UBAP2: variants seen among roughly 807,000 people sequenced by gnomAD.
UBAP2 encodes ubiquitin-associated protein 2.
In UBAP2, 75 loss-of-function variants were observed where a neutral mutation model predicts 139.6. The ratio of observed to expected loss-of-function variants is 0.54; its 90% confidence interval spans 0.45 to 0.65. The LOEUF is 0.65. Among genes scored for constraint, UBAP2 ranks in the 30% least tolerant of loss-of-function variants. The pLI is 0.00. For synonymous variants in UBAP2, 526 were observed against 526.2 expected (o/e 1.00, Z 0.01); for missense variants, 1,368 against 1,369.6 (o/e 1.00, Z 0.02).
At chr9:33,978,096 T>C (rs1423425697) in intron 6 of UBAP2, among the ~76,000 whole-genome samples, 2 of 151,334 alleles carry the variant, frequency 1.3e-5, no homozygotes, top group Non-Finnish European at 2.9e-5. Context: ...AACTCTCATG[T>C]ATAGAGGCAC....
chr9:34,024,574 A>T (rs117686955), intron 1 of UBAP2, among the ~76,000 whole-genome samples: 1 of 152,324 alleles, frequency 6.6e-6, no homozygotes, highest in East Asian at 1.9e-4. Context: ...GGTTTCGCAC[A>T]ACAATCACAG....
intron 6 of UBAP2, among the ~76,000 whole-genome samples, chr9:33,973,820 A>C (rs1828087196): frequency 6.6e-6 from 1 of 152,268 alleles, no homozygotes; most frequent in South Asian, 2.1e-4. Flanking sequence ...CAAAAGCTTG[A>C]CAACACTGGA....
intron 1 of UBAP2, among the ~76,000 whole-genome samples, chr9:34,036,974 A>G (rs894039655): frequency 7.7e-5 from 10 of 130,288 alleles, no homozygotes; most frequent in African/African-American, 2.9e-4. Flanking sequence ...GTGCCACCAC[A>G]CCCAGCTATT....
Position 33,996,244 on chromosome 9 carries a change from C to G in UBAP2, c.267G>C (p.Leu89Phe). The G allele has an allele frequency of 6.2e-7, 1 of 1,612,308 alleles. No homozygotes were observed. The highest frequency in any genetic ancestry group is 8.5e-7 in the Non-Finnish European group (1 of 1,178,952). The change falls in exon 4 of 29, where the codon TTG becomes TTC. Residue 89 changes from leucine (L) to phenylalanine (F), a missense_variant. Physicochemically the swap from Leu to Phe is conservative, Grantham distance 22 (BLOSUM62 0). Transcript: ENST00000379238. ...NGDVNKAINI[L>F]LEGNSDTTSW... ...TTACTGTGTCTGAATTCCCTTCCAG[C>G]AATATATTGATAGCTTTGTTCACAT...
chr9:33,975,832 A>T (rs930768906), intron 6 of UBAP2, among the ~76,000 whole-genome samples: 1 of 151,752 alleles, frequency 6.6e-6, no homozygotes, highest in African/African-American at 2.4e-5. Flanking sequence ...AAAATGGTAC[A>T]GCTACTATGG....
intron 6 of UBAP2, among the ~76,000 whole-genome samples, chr9:33,980,700 A>G (rs1465769316): frequency 2.0e-5 from 3 of 152,052 alleles, no homozygotes. Context: ...TCATGCCTGT[A>G]ATGCAAGCAC....
chr9:34,015,189 G>A (rs1344440559), intron 2 of UBAP2, among the ~76,000 whole-genome samples: 1 of 152,164 alleles, frequency 6.6e-6, no homozygotes, highest in Admixed American at 6.6e-5. Context: ...TGCCAATCTA[G>A]TCAATAACAT....
At chr9:34,014,736 A>G (rs1175521629) in intron 2 of UBAP2, among the ~76,000 whole-genome samples, 2 of 145,610 alleles carry the variant, frequency 1.4e-5, no homozygotes, top group African/African-American at 5.1e-5. Context: ...TGGAGGTTGG[A>G]GTGAGCCGAG....
At chr9:34,037,217 T>C (rs1406891410) in intron 1 of UBAP2, among the ~76,000 whole-genome samples, 1 of 152,124 alleles carries the variant, frequency 6.6e-6, no homozygotes, top group East Asian at 1.9e-4. Flanking sequence ...CTCGATCTCC[T>C]GACCTCGTGA....
At chr9:33,927,256 C>T (rs370222447) in intron 20 of UBAP2, among the ~76,000 whole-genome samples, 176 bp from the exon 21 acceptor site, 1 of 152,120 alleles carries the variant, frequency 6.6e-6, no homozygotes, top group African/African-American at 2.4e-5. Context: ...ACAGAAAGCC[C>T]GGCCACCACA....
chr9:33,956,196 C>A, intron 10 of UBAP2, 50 bp from the exon 11 acceptor site: 1 of 1,351,288 alleles, frequency 7.4e-7, no homozygotes, highest in East Asian at 2.3e-5. Flanking sequence ...CTACTAAACC[C>A]AAAACACTGA....
chr9:34,034,411 T>C (rs1169664194), intron 1 of UBAP2, among the ~76,000 whole-genome samples: 2 of 152,328 alleles, frequency 1.3e-5, no homozygotes, highest in Non-Finnish European at 2.9e-5. Flanking sequence ...TTCTTAAAAA[T>C]GTCTGTTACC....
At chr9:33,995,774 A>G (rs2131179036) in intron 4 of UBAP2, 1 of 150,232 alleles carries the variant, frequency 6.7e-6, no homozygotes, top group East Asian at 1.9e-4. Context: ...AGCTCACCAA[A>G]CTTAACCCAA....
intron 10 of UBAP2, among the ~76,000 whole-genome samples, chr9:33,958,920 G>A (rs1047647610): frequency 8.6e-5 from 13 of 151,684 alleles, no homozygotes; most frequent in African/African-American, 2.4e-4. Context: ...AAGCCAAGTC[G>A]GACAGATCAC....
chr9:33,943,533 C>A lies in UBAP2; in HGVS notation c.1602G>T (p.Val534=). The part of the protein sequence containing the change: ...PGSADVTGLN[V]QFGALEFGSE... ...ACCCAAATTCCAGAGCCCCAAACTG[C>A]ACATTTAATCCTGTGACATCTGCTG... The change falls in exon 15 of 29, where the codon GTG becomes GTT. Residue 534 remains valine, a synonymous_variant. Coordinates refer to ENST00000379238, the MANE Select transcript of UBAP2 (RefSeq NM_001370062.2). The A allele has an allele frequency of 6.2e-7, 1 of 1,614,140 alleles. No homozygotes were observed. Among genetic ancestry groups the A allele is most frequent in the South Asian group, 1.1e-5 (1 of 91,086 alleles).
chr9:33,964,421 G>A (rs955880368), intron 8 of UBAP2, among the ~76,000 whole-genome samples: 1 of 152,146 alleles, frequency 6.6e-6, no homozygotes, highest in African/African-American at 2.4e-5. Flanking sequence ...GAGAGAGGAG[G>A]AAAGAGAAAA....
chr9:33,936,952 A>AC (rs1824595628), intron 16 of UBAP2, among the ~76,000 whole-genome samples: 1 of 127,676 alleles, frequency 7.8e-6, no homozygotes, highest in African/African-American at 3.0e-5. Context: ...AAAAAAAAAA[A>AC]CAGTCTGAAT....
chr9:34,019,153 T>A (rs1305618192), intron 1 of UBAP2, among the ~76,000 whole-genome samples: 1 of 151,932 alleles, frequency 6.6e-6, no homozygotes, highest in African/African-American at 2.4e-5. Flanking sequence ...GTAATCCCAG[T>A]ACTTTGGGAA....
intron 1 of UBAP2, among the ~76,000 whole-genome samples, chr9:34,045,246 T>G (rs923615869): frequency 5.3e-5 from 8 of 149,816 alleles, no homozygotes; most frequent in African/African-American, 2.0e-4. Context: ...CTCGGGAGGC[T>G]GAGGCAGGAA....
Sources: allele counts gnomAD v4.1 joint callset (sites outside exome capture counted in the v4.1 genomes callset), GRCh38; gene constraint gnomAD v4.1.1; transcripts MANE v1.5; gene names NCBI Gene and HGNC (gene_info 2026-07-23, HGNC 2026-07-21).